Variants in ZDHHC19 observed in about 807,000 individuals in gnomAD.
ZDHHC19 encodes the protein palmitoyltransferase ZDHHC19.
ZDHHC19 carries 30 observed loss-of-function variants against 33.9 expected under a neutral mutation model. The ratio of observed to expected loss-of-function variants is 0.88; its 90% CI spans 0.66 to 1.20. The LOEUF is 1.20. Ranked by LOEUF, ZDHHC19 falls within the 50% of genes most tolerant of loss-of-function variation. ZDHHC19 has a pLI of 0.00. For missense variants in ZDHHC19, 364 were observed against 401.1 expected, an observed-to-expected ratio of 0.91 and a Z score of 0.79; for synonymous variants, 178 against 167.6, an observed-to-expected ratio of 1.06 and a Z score of -0.48.
chr3:196,210,033 T>C (rs906460114), intron 2 of ZDHHC19, among the ~76,000 whole-genome samples: 1 of 151,104 alleles, frequency 6.6e-6, no homozygotes, highest in Non-Finnish European at 1.5e-5. Flanking sequence ...CTACTAAAAA[T>C]ACAAAAAATT....
chr3:196,202,789 GCCGGCTGAAGCTGCC>G (rs1274015657), intron 5 of ZDHHC19, among the ~76,000 whole-genome samples: 1 of 152,238 alleles, frequency 6.6e-6, no homozygotes, highest in Non-Finnish European at 1.5e-5. Context: ...GAGCACAGCG[GCCGGCTGAAGCTGCC>G]GGGGAAGGGG....
intron 5 of ZDHHC19, among the ~76,000 whole-genome samples, chr3:196,206,679 CTTTTTTTTT>C (rs10578928): frequency 1.8e-5 from 2 of 112,792 alleles, no homozygotes; most frequent in Non-Finnish European, 3.6e-5. Context: ...CTTTTCTTTT[CTTTTTTTTT>C]TTTTTTTTTT....
At chr3:196,198,484 C>G (rs1106479) in intron 6 of ZDHHC19, 33 bp from the exon 7 acceptor site, 3 of 1,593,786 alleles carry the variant, frequency 1.9e-6, no homozygotes, top group Non-Finnish European at 2.6e-6. Context: ...CAGGGGCCAC[C>G]GTCCTCCCTG....
At position 196,209,486 on chromosome 3, in the gene ZDHHC19, GCACCGT is replaced by G. The variant is rs1560141223; in HGVS notation, c.292_297del (p.Thr98_Val99del). On this transcript the variant is annotated inframe_deletion, in exon 3 of 8. Transcript: ENST00000296326. Reference sequence around the variant, plus strand: ...GCCCCGTGGTTCACCCACACCACGTGCACCGTCAAGGGGCCCTGCTCAGCGGAGCCT... The same window carrying G: ...GCCCCGTGGTTCACCCACACCACGTGCAAGGGGCCCTGCTCAGCGGAGCCT... 2 of 1,612,992 alleles carry G rather than the reference GCACCGT, an allele frequency of 1.2e-6. No individual in the cohort carries two copies. The highest frequency in any genetic ancestry group is 1.7e-6 in the Non-Finnish European group (2 of 1,179,756).
At chr3:196,207,363 C>A (rs775158838) in intron 5 of ZDHHC19, 35 bp downstream of exon 5, 10 of 1,532,886 alleles carry the variant, frequency 6.5e-6, no homozygotes, top group Non-Finnish European at 7.9e-6. Context: ...CGGAGGTCCC[C>A]GAGGTGCAAG....
chr3:196,209,158 T>A, intron 3 of ZDHHC19: 1 of 624,270 alleles, frequency 1.6e-6, no homozygotes. Flanking sequence ...GGATGCCCTG[T>A]GCATGTCAGC....
chr3:196,200,433 C>A (rs149751103), intron 5 of ZDHHC19, among the ~76,000 whole-genome samples: 1 of 145,654 alleles, frequency 6.9e-6, no homozygotes, highest in Non-Finnish European at 1.5e-5. Flanking sequence ...CAGCTCACTG[C>A]AAGCTCCGCC....
At chr3:196,201,742 A>C (rs1722368946) in intron 5 of ZDHHC19, among the ~76,000 whole-genome samples, 1 of 151,936 alleles carries the variant, frequency 6.6e-6, no homozygotes, top group Admixed American at 6.6e-5. Flanking sequence ...AAAGAAAAAG[A>C]AACCAACAGC....
chr3:196,197,878 G>A lies in ZDHHC19; in HGVS notation c.*20-153C>T, dbSNP rs575820670. On this transcript the variant is annotated intron_variant, in intron 7 of 7. Transcript: ENST00000296326. This position sits in a 1 kb window ranked among gnomAD's most constrained non-coding sequence, Gnocchi z 4.4. ...CGCAGGGGTTGCCCAGCCCCACGGTGGCCTCCTGATGCTCCACCTCCATGT... is the reference window on the plus strand; with the variant it reads ...CGCAGGGGTTGCCCAGCCCCACGGTAGCCTCCTGATGCTCCACCTCCATGT... Among the ~76,000 whole-genome samples, 2 of 152,158 alleles carry A rather than the reference G, an allele frequency of 1.3e-5. No homozygotes were observed. Among genetic ancestry groups the A allele is most frequent in the South Asian group, 4.1e-4 (2 of 4,826 alleles).
rs1423707039 is a variant in ZDHHC19, at chr3:196,198,825, T to C, written c.737A>G (p.Asn246Ser). 1.9e-6 allele frequency: 3 copies of C among 1,614,022 alleles called. No homozygotes were observed. Among genetic ancestry groups the C allele is most frequent in the East Asian group, 2.2e-5 (1 of 44,878 alleles). ...TGGTGCACAAATTGTTAAATACCAG[T>C]TGCTGGCACAGCCCTGGTCGAAGGG... The part of the protein sequence containing the change: ...YNPFDQGCAS[N>S]WYLTICAPLG... Residue 246 changes from asparagine to serine, a missense_variant, in exon 6 of 8, where the codon AAC becomes AGC. Physicochemically the swap from Asn to Ser is conservative, Grantham distance 46. Coordinates refer to ENST00000296326, the MANE Select transcript of ZDHHC19 (RefSeq NM_001039617.2).
At chr3:196,209,222 G>A in intron 3 of ZDHHC19, 154 bp downstream of exon 3, 1 of 1,079,990 alleles carries the variant, frequency 9.3e-7, no homozygotes. Flanking sequence ...GAGAACACAT[G>A]AGTGACCAAG....
At chr3:196,206,104 T>C (rs1577324803) in intron 5 of ZDHHC19, among the ~76,000 whole-genome samples, 1 of 152,254 alleles carries the variant, frequency 6.6e-6, no homozygotes, top group African/African-American at 2.4e-5. Flanking sequence ...CAGGCTGGAG[T>C]GCAATGACAC....
intron 4 of ZDHHC19, among the ~76,000 whole-genome samples, chr3:196,207,990 C>T (rs1434012490): frequency 6.6e-6 from 1 of 151,000 alleles, no homozygotes; most frequent in East Asian, 2.0e-4. Flanking sequence ...GCCTCGACCT[C>T]CCTCCCCGGT....
rs1006370741 is a variant in ZDHHC19 at position 196,211,077 on chromosome 3, G to C, written c.146+93C>G. 11 of 1,588,060 alleles carry C rather than the reference G, an allele frequency of 6.9e-6. No homozygotes were observed. In the Admixed American group the frequency reaches 1.1e-4, roughly 15 times the overall value. On this transcript the variant is annotated intron_variant, in intron 1 of 7. Coordinates refer to ENST00000296326, the MANE Select transcript of ZDHHC19 (RefSeq NM_001039617.2). Reference sequence around the variant, plus strand: ...TCCCCTTTTCCCTGACCTCTCCCCCGGTCTTCTGCACTCCCCTGCCTCCAT... The same window carrying C: ...TCCCCTTTTCCCTGACCTCTCCCCCCGTCTTCTGCACTCCCCTGCCTCCAT...
chr3:196,209,630 A>T, intron 2 of ZDHHC19, 115 bp from the exon 3 acceptor site: 3 of 1,364,690 alleles, frequency 2.2e-6, no homozygotes, highest in Non-Finnish European at 3.0e-6. Context: ...GGGCAGGGGA[A>T]CCCCTGTCCC....
rs1723046429 is a variant in ZDHHC19 at position 196,209,528 on chromosome 3, G to A, written c.269-13C>T. On this transcript the variant is annotated splice_polypyrimidine_tract_variant and intron_variant, in intron 2 of 7. Coordinates refer to ENST00000296326, the MANE Select transcript of ZDHHC19 (RefSeq NM_001039617.2). ...TGCTCAGCGGAGCCTGGCGTGGGAA[G>A]AGGATTGGGCACAGCAGAAGGCCCT... 1 of 1,611,954 alleles carries A rather than the reference G, an allele frequency of 6.2e-7. No individual in the cohort carries two copies. Among genetic ancestry groups the A allele is most frequent in the Non-Finnish European group, 8.5e-7 (1 of 1,179,438 alleles).
chr3:196,200,456 G>C (rs765266836), intron 5 of ZDHHC19, among the ~76,000 whole-genome samples: 3 of 147,948 alleles, frequency 2.0e-5, no homozygotes, highest in Non-Finnish European at 3.0e-5. Flanking sequence ...CCAGGTTCAC[G>C]CCATTCTCCT....
rs967353551 is a variant in ZDHHC19 at position 196,203,896 on chromosome 3, C to T, written c.687+3502G>A. On this transcript the variant is annotated intron_variant, in intron 5 of 7. Coordinates refer to ENST00000296326, the MANE Select transcript of ZDHHC19 (RefSeq NM_001039617.2). This position sits in a 1 kb window ranked among gnomAD's most constrained non-coding sequence, Gnocchi z 4.3. ...GATGGGAGGTGGTGGGCAGAGAGGG[C>T]GCCTGTGTCCTTCCAGCTGTCTGAT... Among the ~76,000 whole-genome samples, 5 of 152,004 alleles carry T rather than the reference C, an allele frequency of 3.3e-5. No homozygotes were observed. Among genetic ancestry groups the T allele is most frequent in the Admixed American group, 1.3e-4 (2 of 15,238 alleles).
At chr3:196,210,018 C>G (rs1219301650) in intron 2 of ZDHHC19, among the ~76,000 whole-genome samples, 2 of 151,842 alleles carry the variant, frequency 1.3e-5, no homozygotes. Context: ...GGTGAAACCC[C>G]ATCTCTACTA....
Sources: gnomAD v4.1 joint callset for allele counts (sites outside exome capture counted in the v4.1 genomes callset) on GRCh38, gnomAD v4.1.1 for gene constraint, Gnocchi (gnomAD v3.1) non-coding constraint, MANE v1.5 for transcripts, NCBI Gene and HGNC (gene_info 2026-07-23, HGNC 2026-07-21) for gene names.